Variants in NCKAP5L observed in about 807,000 individuals in gnomAD.
The protein encoded by NCKAP5L is NCK associated protein 5 like.
In NCKAP5L, 54 loss-of-function variants were observed where a neutral mutation model predicts 103.2. The observed-to-expected ratio is 0.52, with a 90% CI of 0.42 to 0.66. The LOEUF (loss-of-function observed/expected upper bound fraction) is 0.66, where lower values mean the gene tolerates loss of function less well. NCKAP5L is among the 30% of genes least tolerant of loss of function. NCKAP5L has a pLI of 0.00. For synonymous variants in NCKAP5L, 762 were observed against 748.6 expected (o/e 1.02, Z -0.29); for missense variants, 1,733 against 1,750.6 (o/e 0.99, Z 0.18).
Position 49,795,088 on chromosome 12 carries a change from C to T in NCKAP5L, c.2772G>A (p.Lys924=). 6.2e-7 allele frequency: 1 copy of T among 1,612,994 alleles called. No individual in the cohort carries two copies. The highest frequency in any genetic ancestry group is 8.5e-7 in the Non-Finnish European group (1 of 1,179,644). The change falls in exon 8 of 13, where the codon AAG becomes AAA. Residue 924 remains lysine (K), a synonymous_variant. Transcript: ENST00000335999. The part of the protein sequence containing the change: ...TSSIASWFGL[K]KSKLPALNRR... ...GGTTCAGCGCTGGCAGCTTGCTCTTCTTAAGGCCGAACCAGCTGGCGATGC... is the reference window on the plus strand; with the variant it reads ...GGTTCAGCGCTGGCAGCTTGCTCTTTTTAAGGCCGAACCAGCTGGCGATGC...
At position 49,795,252 on chromosome 12, in the gene NCKAP5L, G is replaced by A. The variant is rs1271868312; in HGVS notation, c.2608C>T (p.Pro870Ser). The change falls in exon 8 of 13, where the codon CCA (proline) becomes TCA (serine). Residue 870 changes from proline to serine, a missense_variant. Coordinates refer to ENST00000335999, the MANE Select transcript of NCKAP5L (RefSeq NM_001037806.4). ...STPLVPGPTD[P>S]SQGPEGLAPH... ...GCCAGCCCCTCAGGGCCCTGACTTG[G>A]GTCAGTGGGGCCAGGTACTAGGGGT... 6.5e-7 allele frequency: 1 copy of A among 1,545,694 alleles called. No homozygotes were observed. The highest frequency in any genetic ancestry group is 8.7e-7 in the Non-Finnish European group (1 of 1,147,360).
chr12:49,808,997 G>T (rs531989282), intron 1 of NCKAP5L, among the ~76,000 whole-genome samples: 7 of 152,002 alleles, frequency 4.6e-5, no homozygotes, highest in Admixed American at 2.6e-4. Context: ...AGAGAAGGAG[G>T]GGGGAGAAGA....
In NCKAP5L at chr12:49,797,468, C is replaced by T; in HGVS notation, c.466-74G>A. 1 of 1,211,520 alleles carries T rather than the reference C, an allele frequency of 8.3e-7. No individual in the cohort carries two copies. The highest frequency in any genetic ancestry group is 1.1e-6 in the Non-Finnish European group (1 of 873,284). The allele number at this position is 1,211,520 out of a possible 1,614,324, so 75.0% of individuals were successfully genotyped here. A position where few individuals can be genotyped will look rare whatever the true frequency, so the allele number is the denominator to read the frequency against. On this transcript the variant is annotated intron_variant, in intron 7 of 12. Coordinates refer to ENST00000335999, the MANE Select transcript of NCKAP5L (RefSeq NM_001037806.4). The surrounding 1 kb of genome is among the most constrained non-coding windows in gnomAD (Gnocchi z 4.5). ...TCCAGTTCCAGGCCCAGGCCCTGGG[C>T]TGGCTTAACAGGGAATGCCAGGAAC... is the stretch of plus-strand genomic sequence containing the variant.
chr12:49,792,579 T>G lies in NCKAP5L; in HGVS notation c.3659A>C (p.Glu1220Ala). The change falls in exon 12 of 13, where the codon GAA becomes GCA. Residue 1220 changes from glutamate (E) to alanine (A), a missense_variant. Transcript: ENST00000335999. The surrounding 1 kb of genome is among the most constrained non-coding windows in gnomAD (Gnocchi z 4.5). ...GHETCPDDPC[E>A]DPGPTPPVQL... The stretch of plus-strand genomic sequence containing the variant: ...GACAGGAGGGGTGGGGCCTGGGTCT[T>G]CACAGGGATCTGTCCAGGAACAAAG... The G allele has an allele frequency of 1.9e-6, 3 of 1,613,618 alleles. No individual in the cohort carries two copies. In the East Asian group the frequency reaches 6.7e-5, roughly 36 times the overall value.
intron 5 of NCKAP5L, 105 bp from the exon 6 acceptor site, chr12:49,802,072 C>T (rs1417675399): frequency 2.1e-6 from 3 of 1,397,088 alleles, no homozygotes; most frequent in Non-Finnish European, 2.9e-6. Context: ...GCCCCAGGAC[C>T]CTTCTGGGCA....
At chr12:49,823,780 C>CA (rs1946386500) in intron 1 of NCKAP5L, among the ~76,000 whole-genome samples, 1 of 152,142 alleles carries the variant, frequency 6.6e-6, no homozygotes, top group Admixed American at 6.5e-5. Context: ...GTAATAACAG[C>CA]AACAATAATT....
chr12:49,819,113 A>G (rs1316476102), intron 1 of NCKAP5L, among the ~76,000 whole-genome samples: 1 of 151,660 alleles, frequency 6.6e-6, no homozygotes, highest in Non-Finnish European at 1.5e-5. Context: ...TGGGCAGATC[A>G]CGAGGTCAGG....
At position 49,801,953 on chromosome 12, in the gene NCKAP5L, C is replaced by G; in HGVS notation, c.246G>C (p.Glu82Asp). ...ALLNQKDLRE[E>D]CIKLKKRVFD... Reference sequence around the variant, plus strand: ...ACACTCTCTTCTTCAGCTTGATGCACTCCTCTCGCAGGTCCTGCCGCCCAC... The same window carrying G: ...ACACTCTCTTCTTCAGCTTGATGCAGTCCTCTCGCAGGTCCTGCCGCCCAC... The change falls in exon 6 of 13, where the codon GAG becomes GAC. Residue 82 changes from glutamate to aspartate, a missense_variant. Glu to Asp is a conservative substitution (Grantham distance 45). Transcript: ENST00000335999. 2 of 1,613,894 alleles carry G rather than the reference C, an allele frequency of 1.2e-6. No individual in the cohort carries two copies. Among genetic ancestry groups the G allele is most frequent in the Non-Finnish European group, 1.7e-6 (2 of 1,179,870 alleles).
chr12:49,814,207 G>A (rs886601049), intron 1 of NCKAP5L, among the ~76,000 whole-genome samples: 35 of 148,992 alleles, frequency 2.3e-4, no homozygotes, highest in African/African-American at 7.6e-4. Flanking sequence ...TCTTCCAGCC[G>A]GGTGTGGTGG....
chr12:49,827,849 A>C (rs1030285153), intron 1 of NCKAP5L, among the ~76,000 whole-genome samples: 1 of 152,202 alleles, frequency 6.6e-6, no homozygotes, highest in African/African-American at 2.4e-5. Context: ...GGAGTGCGAA[A>C]GGGAGCCCCA....
Position 49,801,851 on chromosome 12 carries a change from A to C in NCKAP5L, c.348T>G (p.Pro116=). The C allele has an allele frequency of 6.2e-7, 1 of 1,613,900 alleles. No individual in the cohort carries two copies. Among genetic ancestry groups the C allele is most frequent in the Non-Finnish European group, 8.5e-7 (1 of 1,179,834 alleles). The change falls in exon 6 of 13, where the codon CCT becomes CCG. Residue 116 remains proline, a synonymous_variant. Transcript: ENST00000335999. ...QKLQLTTGSL[P]QIPLTPLQPP... is the part of the protein sequence containing the mutation. ...TGAAAGGAGCGCAGATGCCTACCTG[A>C]GGGAGCGAGCCTGTCGTGAGCTGGA...
In NCKAP5L at chr12:49,792,390, C is replaced by T. The variant is rs753775906; in HGVS notation, c.3792+56G>A. Reference sequence around the variant, plus strand: ...ACCTTACTGGAGAAACTGGTCTCCCCACATCACTCCCTCCTGCTCCCGAGT... The same window carrying T: ...ACCTTACTGGAGAAACTGGTCTCCCTACATCACTCCCTCCTGCTCCCGAGT... On this transcript the variant is annotated intron_variant, in intron 12 of 12. Coordinates refer to ENST00000335999, the MANE Select transcript of NCKAP5L (RefSeq NM_001037806.4). The surrounding 1 kb of genome is among the most constrained non-coding windows in gnomAD (Gnocchi z 4.5). 2 of 1,599,990 alleles carry T rather than the reference C, an allele frequency of 1.3e-6. No individual in the cohort carries two copies. Among genetic ancestry groups the T allele is most frequent in the Non-Finnish European group, 1.7e-6 (2 of 1,173,540 alleles).
chr12:49,810,403 GC>G (rs1331094397), intron 1 of NCKAP5L, among the ~76,000 whole-genome samples: 2 of 152,172 alleles, frequency 1.3e-5, no homozygotes, highest in Non-Finnish European at 2.9e-5. Context: ...TAACTTATGT[GC>G]TGTGTGACTA....
chr12:49,793,476 T>A, intron 9 of NCKAP5L, 43 bp from the exon 10 acceptor site: 1 of 1,574,498 alleles, frequency 6.4e-7, no homozygotes, highest in Non-Finnish European at 8.7e-7. Flanking sequence ...TCCTCCCCCC[T>A]CCACACCCCT....
rs1946017063 is a variant in NCKAP5L at position 49,795,313 on chromosome 12, G to C, written c.2547C>G (p.Pro849=). ...SPKPDKGKGP[P]WADCGSTTAQ... is the part of the protein sequence containing the mutation. ...CCGTGGTACTACCACAGTCTGCCCAGGGAGGGCCCTTCCCTTTGTCAGGCT... is the reference window on the plus strand; with the variant it reads ...CCGTGGTACTACCACAGTCTGCCCACGGAGGGCCCTTCCCTTTGTCAGGCT... Residue 849 remains proline (P), a synonymous_variant, in exon 8 of 13, where the codon CCC becomes CCG. Coordinates refer to ENST00000335999, the MANE Select transcript of NCKAP5L (RefSeq NM_001037806.4). 1.3e-6 allele frequency: 2 copies of C among 1,530,234 alleles called. No homozygotes were observed. Among genetic ancestry groups the C allele is most frequent in the Non-Finnish European group, 1.8e-6 (2 of 1,142,168 alleles). The allele number at this position is 1,530,234 out of a possible 1,614,324, so 94.8% of individuals were successfully genotyped here. A position where few individuals can be genotyped will look rare whatever the true frequency, so the allele number is the denominator to read the frequency against.
intron 1 of NCKAP5L, among the ~76,000 whole-genome samples, chr12:49,826,545 T>C (rs1332523009): frequency 3.3e-5 from 5 of 152,194 alleles, no homozygotes; most frequent in Non-Finnish European, 7.3e-5. Flanking sequence ...TAGCTCCCTC[T>C]AAATGGAACC....
intron 8 of NCKAP5L, among the ~76,000 whole-genome samples, chr12:49,794,492 C>A (rs1592746710): frequency 1.3e-5 from 2 of 152,326 alleles, no homozygotes; most frequent in African/African-American, 4.8e-5. Flanking sequence ...CACATGCAGG[C>A]TGCCTCATCT....
At chr12:49,820,878 C>A (rs555078625) in intron 1 of NCKAP5L, among the ~76,000 whole-genome samples, 5 of 152,168 alleles carry the variant, frequency 3.3e-5, no homozygotes, top group African/African-American at 1.2e-4. Context: ...GCAGCCAAAC[C>A]GCGTGACCCT....
In NCKAP5L at chr12:49,792,069, G is replaced by C. The variant is rs200689797; in HGVS notation, c.3793-18C>G. The stretch of plus-strand genomic sequence containing the variant: ...GGCAGGGCCTGGGAAAGGAGGGGCA[G>C]CTCGGGAGGAAGCTCCTCTCCACCT... On this transcript the variant is annotated intron_variant, in intron 12 of 12. Coordinates refer to ENST00000335999, the MANE Select transcript of NCKAP5L (RefSeq NM_001037806.4). This position sits in a 1 kb window ranked among gnomAD's most constrained non-coding sequence, Gnocchi z 4.5. 6.6e-7 allele frequency: 1 copy of C among 1,511,008 alleles called. No individual in the cohort carries two copies. Among genetic ancestry groups the C allele is most frequent in the East Asian group, 2.3e-5 (1 of 43,626 alleles). The allele number at this position is 1,511,008 out of a possible 1,614,324, so 93.6% of individuals were successfully genotyped here. A position where few individuals can be genotyped will look rare whatever the true frequency, so the allele number is the denominator to read the frequency against.
Sources: allele counts gnomAD v4.1 joint callset (sites outside exome capture counted in the v4.1 genomes callset), GRCh38; gene constraint gnomAD v4.1.1; non-coding constraint Gnocchi (gnomAD v3.1); transcripts MANE v1.5; gene names NCBI Gene and HGNC (gene_info 2026-07-23, HGNC 2026-07-21).